The following TRABD2B variants were observed in gnomAD, a reference collection of about 807,000 sequenced individuals.
The protein encoded by TRABD2B is TraB domain containing 2B.
In TRABD2B, 14 loss-of-function variants were observed where a neutral mutation model predicts 40.1. The ratio of observed to expected loss-of-function variants is 0.35; its 90% confidence interval spans 0.23 to 0.55. TRABD2B has a LOEUF of 0.55. Ranked by LOEUF, TRABD2B falls within the 20% of genes least tolerant of loss-of-function variation. TRABD2B has a pLI of 0.90. For synonymous variants in TRABD2B, 263 were observed against 277.0 expected, an observed-to-expected ratio of 0.95 and a Z score of 0.50; for missense variants, 541 against 648.6, an observed-to-expected ratio of 0.83 and a Z score of 1.80.
intron 2 of TRABD2B, among the ~76,000 whole-genome samples, chr1:47,839,302 C>A (rs1239344268): frequency 2.6e-5 from 4 of 152,036 alleles, no homozygotes; most frequent in Non-Finnish European, 5.9e-5. Flanking sequence ...TATGGGATGG[C>A]CTTTAGCTCT....
chr1:47,949,953 T>A (rs1458128802), intron 2 of TRABD2B, among the ~76,000 whole-genome samples: 1 of 152,036 alleles, frequency 6.6e-6, no homozygotes, highest in Non-Finnish European at 1.5e-5. Context: ...GGCAACTAAG[T>A]GCCAAGATTT....
chr1:47,900,837 A>G (rs1038762481), intron 2 of TRABD2B, among the ~76,000 whole-genome samples: 2 of 152,162 alleles, frequency 1.3e-5, no homozygotes, highest in African/African-American at 4.8e-5. Context: ...AAATTAACTA[A>G]CCATGACACT....
intron 2 of TRABD2B, among the ~76,000 whole-genome samples, chr1:47,983,373 T>C (rs1645869321): frequency 6.6e-6 from 1 of 152,078 alleles, no homozygotes; most frequent in Non-Finnish European, 1.5e-5. Flanking sequence ...AAAAGCTAAC[T>C]ACTGGGTACC....
chr1:47,909,213 T>C (rs1644717360), intron 2 of TRABD2B, among the ~76,000 whole-genome samples: 1 of 152,224 alleles, frequency 6.6e-6, no homozygotes, highest in African/African-American at 2.4e-5. Flanking sequence ...TGTTTTGCAT[T>C]GCTATAAAAG....
At chr1:47,821,130 G>A (rs764660327) in intron 2 of TRABD2B, among the ~76,000 whole-genome samples, 4 of 152,150 alleles carry the variant, frequency 2.6e-5, no homozygotes, top group African/African-American at 9.7e-5. Flanking sequence ...ACGGCCTCCT[G>A]TTTCTCCCAG....
At chr1:47,816,856 G>C (rs1557589838) in intron 2 of TRABD2B, among the ~76,000 whole-genome samples, 1 of 152,212 alleles carries the variant, frequency 6.6e-6, no homozygotes, top group Non-Finnish European at 1.5e-5. Context: ...TTACTGGTGA[G>C]ACAAAGGAGG....
At chr1:47,915,790 G>A (rs1368259756) in intron 2 of TRABD2B, among the ~76,000 whole-genome samples, 5 of 152,200 alleles carry the variant, frequency 3.3e-5, no homozygotes, top group Admixed American at 2.6e-4. Flanking sequence ...GGCATGAGGT[G>A]GCTGCTGCTC....
At chr1:47,767,997 A>T (rs1644328120) in intron 6 of TRABD2B, among the ~76,000 whole-genome samples, 1 of 152,164 alleles carries the variant, frequency 6.6e-6, no homozygotes, top group African/African-American at 2.4e-5. Flanking sequence ...ACCCGGGGCC[A>T]CCAAGCATAT....
intron 2 of TRABD2B, among the ~76,000 whole-genome samples, chr1:47,891,844 C>T (rs906444407): frequency 6.7e-6 from 1 of 150,084 alleles, no homozygotes; most frequent in Non-Finnish European, 1.5e-5. Context: ...CAAGAAAAAA[C>T]AAAAATGAAA....
chr1:47,980,202 A>C (rs1168136953), intron 2 of TRABD2B, among the ~76,000 whole-genome samples: 1 of 152,116 alleles, frequency 6.6e-6, no homozygotes, highest in South Asian at 2.1e-4. Context: ...ATCCGGATCA[A>C]TATCACCATC....
chr1:47,844,047 G>A (rs1645434654), intron 2 of TRABD2B, among the ~76,000 whole-genome samples: 2 of 152,348 alleles, frequency 1.3e-5, no homozygotes, highest in South Asian at 4.1e-4. Flanking sequence ...ACAAGGAAAA[G>A]CTGGAGCTCG....
At chr1:47,978,750 C>T (rs941319568) in intron 2 of TRABD2B, among the ~76,000 whole-genome samples, 1 of 152,208 alleles carries the variant, frequency 6.6e-6, no homozygotes, top group Admixed American at 6.5e-5. Context: ...CCACTTCACA[C>T]TGCGGCCCTC....
intron 2 of TRABD2B, among the ~76,000 whole-genome samples, chr1:47,900,154 G>T (rs1196557003): frequency 6.6e-6 from 1 of 152,108 alleles, no homozygotes; most frequent in Non-Finnish European, 1.5e-5. Flanking sequence ...CTGCCAGACT[G>T]AGGGGGTGTG....
At chr1:47,983,953 A>G (rs1645879511) in intron 2 of TRABD2B, among the ~76,000 whole-genome samples, 1 of 152,170 alleles carries the variant, frequency 6.6e-6, no homozygotes, top group Non-Finnish European at 1.5e-5. Context: ...AGAAAGGGAA[A>G]CCGTGTGAAC....
chr1:47,968,173 T>C (rs1369863287), intron 2 of TRABD2B, among the ~76,000 whole-genome samples: 1 of 152,264 alleles, frequency 6.6e-6, no homozygotes, highest in Non-Finnish European at 1.5e-5. Flanking sequence ...CTGTTCAAAT[T>C]AGCATATTAA....
In TRABD2B at chr1:47,990,767, GGTTTTATATATATATATATA is replaced by G. The variant is rs1300338035; in HGVS notation, c.666+3247_666+3266del. ...TACAAGTTGTTGGTTTTAAAACGTT[GGTTTTATATATATATATATA>G]TATATATATATATATATATATATAT... On this transcript the variant is annotated intron_variant, in intron 2 of 6. Coordinates refer to ENST00000606738, the MANE Select transcript of TRABD2B (RefSeq NM_001194986.2). Among the ~76,000 whole-genome samples, 60 of 66,634 alleles carry G rather than the reference GGTTTTATATATATATATATA, an allele frequency of 9.0e-4. 1 individual carries two copies. The highest frequency in any genetic ancestry group is 3.5e-3 in the African/African-American group (58 of 16,608). The allele number at this position is 66,634 out of a possible 152,430, so 43.7% of individuals were successfully genotyped here.
Position 47,994,357 on chromosome 1 carries a change from G to A in TRABD2B, c.343C>T (p.His115Tyr), listed in dbSNP as rs1445642998. The change falls in exon 2 of 7, where the codon CAC (histidine) becomes TAC (tyrosine). Residue 115 changes from histidine to tyrosine, a missense_variant. His to Tyr is a moderately conservative substitution (Grantham distance 83). Coordinates refer to ENST00000606738, the MANE Select transcript of TRABD2B (RefSeq NM_001194986.2). The surrounding 1 kb of genome is among the most constrained non-coding windows in gnomAD (Gnocchi z 6.7). Reference protein sequence around the residue: ...HGENLQDVLPHELYWRLKRHL... With the variant: ...HGENLQDVLPYELYWRLKRHL... ...CGCTTCAAGCGCCAGTAAAGCTCGT[G>A]GGGCAGCACGTCCTGCAGGTTTTCC... 23 of 1,536,194 alleles carry A rather than the reference G, an allele frequency of 1.5e-5. No homozygotes were observed. Among genetic ancestry groups the A allele is most frequent in the Non-Finnish European group, 2.0e-5 (23 of 1,146,924 alleles).
At chr1:47,964,652 C>T (rs1476970550) in intron 2 of TRABD2B, among the ~76,000 whole-genome samples, 1 of 152,064 alleles carries the variant, frequency 6.6e-6, no homozygotes, top group Non-Finnish European at 1.5e-5. Flanking sequence ...CTTTATTTGC[C>T]TCTAGCAATT....
At chr1:47,972,756 T>C (rs1645699888) in intron 2 of TRABD2B, among the ~76,000 whole-genome samples, 1 of 152,136 alleles carries the variant, frequency 6.6e-6, no homozygotes, top group South Asian at 2.1e-4. Flanking sequence ...TCAAAGTCCA[T>C]AAATTTACCT....
Sources: allele counts gnomAD v4.1 joint callset (sites outside exome capture counted in the v4.1 genomes callset), GRCh38; gene constraint gnomAD v4.1.1; non-coding constraint Gnocchi (gnomAD v3.1); transcripts MANE v1.5; gene names NCBI Gene and HGNC (gene_info 2026-07-23, HGNC 2026-07-21).